The following XKR9 variants were observed in gnomAD, a reference collection of about 807,000 sequenced individuals.
The protein encoded by XKR9 is XK related 9.
Under a neutral mutation model 32.0 loss-of-function variants are expected in XKR9, and 32 were observed. The ratio of observed to expected loss-of-function variants is 1.00; its 90% confidence interval spans 0.76 to 1.34. The LOEUF (loss-of-function observed/expected upper bound fraction) is 1.34. XKR9 is among the 40% of genes most tolerant of loss of function. XKR9 has a pLI of 0.00. For missense variants in XKR9, 546 were observed against 429.7 expected (o/e 1.27, Z -2.39); for synonymous variants, 168 against 143.4 (o/e 1.17, Z -1.22).
At chr8:70,998,992 T>C in the XKR9 span, among the ~76,000 whole-genome samples, 9,041 of 152,196 alleles carry the variant, frequency 0.059, 380 homozygotes, top group Non-Finnish European at 0.084. Context: ...AGATGAAAAG[T>C]TGGTCCTCCA....
At position 70,734,293 on chromosome 8, in the gene XKR9, C is replaced by T. The variant is rs368667695; in HGVS notation, c.991C>T (p.Leu331Phe). The T allele has an allele frequency of 3.1e-6, 5 of 1,612,472 alleles. No homozygotes were observed. In the East Asian group the frequency reaches 1.1e-4, roughly 36 times the overall value. ...TATAACTATAGTTCTTACTCTTCTTCTTGGAATTCTTTTTCTTATTGTTTA... is the reference window on the plus strand; with the variant it reads ...TATAACTATAGTTCTTACTCTTCTTTTTGGAATTCTTTTTCTTATTGTTTA... The part of the protein sequence containing the change: ...ISITIVLTLL[L>F]GILFLIVYYG... Residue 331 changes from leucine to phenylalanine, a missense_variant, in exon 5 of 5, where the codon CTT becomes TTT. Leu to Phe is a conservative substitution (Grantham distance 22). Coordinates refer to ENST00000408926, the MANE Select transcript of XKR9 (RefSeq NM_001011720.2).
rs1410660178 is a variant in XKR9 at position 70,744,559 on chromosome 8, T to C, written n.352+37406T>C. On this transcript the variant is annotated intron_variant and non_coding_transcript_variant, in intron 2 of 3. Coordinates refer to the XKR9 transcript ENST00000520273. ...CATTTTTTGTGAAACCATGCTATCT[T>C]TATCTGATGAATAGGTTACCTACAG... Among the ~76,000 whole-genome samples, 4 of 152,204 alleles carry C rather than the reference T, an allele frequency of 2.6e-5. No homozygotes were observed. The East Asian group carries it at 7.7e-4, about 29-fold the overall frequency.
At chr8:71,002,189 T>G in the XKR9 span, among the ~76,000 whole-genome samples, 1 of 151,994 alleles carries the variant, frequency 6.6e-6, no homozygotes, top group African/African-American at 2.4e-5. Flanking sequence ...GTCATTTTAG[T>G]AAATGTAGTT....
In XKR9 at chr8:70,772,439, G is replaced by A. The variant is rs1414980217; in HGVS notation, n.353-16900G>A. On this transcript the variant is annotated intron_variant and non_coding_transcript_variant, in intron 2 of 3. Transcript: ENST00000520273. ...ACCCTACAGTGATTTTGAACAGCCCGATTTAATAATAGACAGGAGCAGTTG... is the reference window on the plus strand; with the variant it reads ...ACCCTACAGTGATTTTGAACAGCCCAATTTAATAATAGACAGGAGCAGTTG... Among the ~76,000 whole-genome samples the A allele has an allele frequency of 3.3e-5, 5 of 152,120 alleles. No individual in the cohort carries two copies. The South Asian group carries it at 6.2e-4, about 19-fold the overall frequency.
chr8:70,854,469 G>A, the XKR9 span, among the ~76,000 whole-genome samples: 1 of 152,084 alleles, frequency 6.6e-6, no homozygotes, highest in Non-Finnish European at 1.5e-5. Flanking sequence ...TCATTTTGTA[G>A]GTTGCCTGTT....
At chr8:70,843,793 A>T in the XKR9 span, among the ~76,000 whole-genome samples, 1 of 152,154 alleles carries the variant, frequency 6.6e-6, no homozygotes, top group Admixed American at 6.5e-5. Context: ...GCATTGCTCC[A>T]GAGAGAGAAT....
At chr8:70,731,631 C>T (rs1806669979) in intron 4 of XKR9, among the ~76,000 whole-genome samples, 2 of 152,198 alleles carry the variant, frequency 1.3e-5, no homozygotes, top group Non-Finnish European at 2.9e-5. Flanking sequence ...CAAATTTTCT[C>T]CTCTTGGTCC....
At chr8:70,777,541 C>T (rs952155534) in intron 2 of XKR9, among the ~76,000 whole-genome samples, 37 of 152,180 alleles carry the variant, frequency 2.4e-4, no homozygotes, top group African/African-American at 8.7e-4. Flanking sequence ...CACTGTCTTC[C>T]ACAATGGTTG....
the XKR9 span, among the ~76,000 whole-genome samples, chr8:71,013,345 G>T: frequency 2.6e-5 from 4 of 152,056 alleles, no homozygotes; most frequent in Admixed American, 6.6e-5. Context: ...CTTATGTCAG[G>T]TTCCCTTAAC....
At chr8:70,794,925 T>C (rs1807809829), downstream of XKR9, among the ~76,000 whole-genome samples, 1 of 151,960 alleles carries the variant, frequency 6.6e-6, no homozygotes, top group African/African-American at 2.4e-5. Context: ...TTCTCTTCTG[T>C]TTTCTGGAAG....
At chr8:70,845,820 C>T in the XKR9 span, among the ~76,000 whole-genome samples, 17 of 151,876 alleles carry the variant, frequency 1.1e-4, no homozygotes, top group Middle Eastern at 3.4e-3. Flanking sequence ...CCTAAAGGAA[C>T]CAAATATTTG....
chr8:70,736,607 C>A (rs1210986614), downstream of XKR9, among the ~76,000 whole-genome samples: 1 of 152,028 alleles, frequency 6.6e-6, no homozygotes, highest in African/African-American at 2.4e-5. Flanking sequence ...TTAGGTCTAA[C>A]ATTTAAGTCT....
the XKR9 span, among the ~76,000 whole-genome samples, chr8:70,906,886 CT>C: frequency 6.6e-6 from 1 of 151,862 alleles, no homozygotes. Flanking sequence ...TTATTTTAAA[CT>C]TTATATATAG....
the XKR9 span, among the ~76,000 whole-genome samples, chr8:71,051,302 T>C: frequency 6.6e-6 from 1 of 152,244 alleles, no homozygotes; most frequent in Admixed American, 6.5e-5. Context: ...TCATTAATCT[T>C]TTCTCAGAGG....
intron 3 of XKR9, among the ~76,000 whole-genome samples, chr8:70,698,120 C>G (rs1374359063): frequency 3.9e-5 from 6 of 151,988 alleles, no homozygotes; most frequent in Non-Finnish European, 7.4e-5. Flanking sequence ...TTTTGTTGAT[C>G]CTTTCAAAAA....
chr8:70,736,282 G>C (rs1345195331), downstream of XKR9, among the ~76,000 whole-genome samples: 4 of 151,486 alleles, frequency 2.6e-5, no homozygotes, highest in African/African-American at 9.7e-5. Context: ...AGAAGTGTCT[G>C]TTCATGTCCT....
chr8:70,713,001 A>G (rs559746580), intron 4 of XKR9, among the ~76,000 whole-genome samples: 33 of 152,326 alleles, frequency 2.2e-4, no homozygotes, highest in Non-Finnish European at 4.3e-4. Context: ...ACTTTTGGAA[A>G]TTACCAGATG....
chr8:70,790,465 C>A (rs1309277440), downstream of XKR9: 1 of 151,984 alleles, frequency 6.6e-6, no homozygotes, highest in Non-Finnish European at 1.5e-5. Context: ...TGAGTTCATA[C>A]CTTGAAATGC....
At chr8:70,692,068 GTCT>G (rs1354856479) in intron 3 of XKR9, among the ~76,000 whole-genome samples, 4 of 152,000 alleles carry the variant, frequency 2.6e-5, no homozygotes, top group African/African-American at 9.7e-5. Flanking sequence ...ATTTGCTTGT[GTCT>G]TCTTTGATTT....
Sources: allele counts gnomAD v4.1 joint callset (sites outside exome capture counted in the v4.1 genomes callset), GRCh38; gene constraint gnomAD v4.1.1; transcripts MANE v1.5; gene names NCBI Gene and HGNC (gene_info 2026-07-23, HGNC 2026-07-21).